The following RARB variants were observed in gnomAD, a reference collection of about 807,000 sequenced individuals.
RARB encodes the protein retinoic acid receptor beta.
In RARB, 17 loss-of-function variants were observed where a neutral mutation model predicts 51.9. That is an observed-to-expected ratio of 0.33 (90% CI 0.22 to 0.49). RARB has a LOEUF of 0.49. Among genes scored for constraint, RARB ranks in the 20% least tolerant of loss-of-function variants. RARB has a pLI of 0.99. For synonymous variants in RARB, 215 were observed against 195.4 expected, an observed-to-expected ratio of 1.10 and a Z score of -0.84; for missense variants, 369 against 550.8, an observed-to-expected ratio of 0.67 and a Z score of 3.30.
At chr3:25,521,851 A>G (rs1397926461) in intron 3 of RARB, among the ~76,000 whole-genome samples, 1 of 152,148 alleles carries the variant, frequency 6.6e-6, no homozygotes, top group African/African-American at 2.4e-5. Flanking sequence ...AAACCTCTTC[A>G]TTGAAAATCA....
At chr3:25,264,720 T>C (rs991911267) in intron 5 of RARB, among the ~76,000 whole-genome samples, 9 of 152,170 alleles carry the variant, frequency 5.9e-5, no homozygotes, top group African/African-American at 2.2e-4. Context: ...ACTAATAATA[T>C]GGGAATATAA....
At chr3:25,363,134 T>C (rs1188205059) in intron 5 of RARB, among the ~76,000 whole-genome samples, 2 of 152,090 alleles carry the variant, frequency 1.3e-5, no homozygotes, top group Admixed American at 6.5e-5. Context: ...TTTAAGGACA[T>C]TATTGTCCAG....
intron 3 of RARB, among the ~76,000 whole-genome samples, chr3:25,121,319 G>C (rs1032711062): frequency 9.2e-5 from 14 of 152,072 alleles, no homozygotes; most frequent in Non-Finnish European, 2.1e-4. Context: ...ATAAACCAGA[G>C]AAGCCATAAA....
At position 25,315,868 on chromosome 3, in the gene RARB, C is replaced by T. The variant is rs192925330; in HGVS notation, c.178+141293C>T. Among the ~76,000 whole-genome samples the T allele has an allele frequency of 2.3e-4, 35 of 152,224 alleles. No individual in the cohort carries two copies. The East Asian group carries it at 6.8e-3, about 29-fold the overall frequency. The stretch of plus-strand genomic sequence containing the variant: ...TCCTGACCTCAAGGGTTCTGCCCGC[C>T]TCAGCCTCCCAAAGTTCTGGGATTA... On this transcript the variant is annotated intron_variant, in intron 5 of 11. Transcript: ENST00000383772.
At chr3:25,541,170 G>A (rs571445478) in intron 3 of RARB, among the ~76,000 whole-genome samples, 6 of 152,258 alleles carry the variant, frequency 3.9e-5, no homozygotes, top group South Asian at 4.1e-4. Context: ...GGTATGACCC[G>A]CAGAGATCAT....
At chr3:25,181,406 C>G (rs1351475497) in intron 5 of RARB, among the ~76,000 whole-genome samples, 2 of 152,078 alleles carry the variant, frequency 1.3e-5, no homozygotes, top group African/African-American at 2.4e-5. Context: ...GTAGAGAAAC[C>G]CATTTCATCT....
At chr3:25,345,793 G>A (rs1705375058) in intron 5 of RARB, among the ~76,000 whole-genome samples, 1 of 152,100 alleles carries the variant, frequency 6.6e-6, no homozygotes, top group Admixed American at 6.6e-5. Flanking sequence ...TTCTCAGAGT[G>A]ATTGTGCATG....
At chr3:25,429,357 A>G (rs1708110600) in intron 1 of RARB, among the ~76,000 whole-genome samples, 1 of 152,204 alleles carries the variant, frequency 6.6e-6, no homozygotes, top group Non-Finnish European at 1.5e-5. Flanking sequence ...TAATTAAAAT[A>G]TGACATTTTC....
chr3:24,973,014 C>T (rs1233382960), intron 2 of RARB, among the ~76,000 whole-genome samples: 2 of 151,954 alleles, frequency 1.3e-5, no homozygotes, highest in African/African-American at 2.4e-5. Context: ...GCTTTTGTTG[C>T]CTGTGCTTTT....
intron 5 of RARB, among the ~76,000 whole-genome samples, chr3:25,230,578 A>T (rs1702153472): frequency 6.6e-6 from 1 of 152,050 alleles, no homozygotes; most frequent in African/African-American, 2.4e-5. Flanking sequence ...ATTATAATTA[A>T]TATTTATCTA....
chr3:24,956,071 G>T (rs906717124), intron 2 of RARB, among the ~76,000 whole-genome samples: 8 of 152,076 alleles, frequency 5.3e-5, no homozygotes, highest in Non-Finnish European at 1.0e-4. Flanking sequence ...TGAGGGGTTG[G>T]GTTGGACAGC....
chr3:25,495,014 G>A (rs1440814583), intron 2 of RARB, among the ~76,000 whole-genome samples: 2 of 152,164 alleles, frequency 1.3e-5, no homozygotes, highest in Admixed American at 6.5e-5. Context: ...AGGAAATTGA[G>A]GTCTTAGTAT....
chr3:25,434,384 C>G (rs182092705), intron 1 of RARB, among the ~76,000 whole-genome samples: 1 of 152,090 alleles, frequency 6.6e-6, no homozygotes, highest in African/African-American at 2.4e-5. Context: ...ATTTGTGTTC[C>G]AGCTGTTAAC....
intron 5 of RARB, among the ~76,000 whole-genome samples, chr3:25,585,942 G>T (rs1267952135): frequency 6.6e-6 from 1 of 152,206 alleles, no homozygotes; most frequent in Non-Finnish European, 1.5e-5. Context: ...AGCAGGGTCA[G>T]TGTGGAGCCA....
chr3:25,267,340 C>A (rs1031908382), intron 5 of RARB, among the ~76,000 whole-genome samples: 2 of 152,154 alleles, frequency 1.3e-5, no homozygotes, highest in Non-Finnish European at 2.9e-5. Context: ...AATGTTAAAG[C>A]AGTGAAGGCC....
chr3:24,865,255 G>A (rs562014375), intron 2 of RARB, among the ~76,000 whole-genome samples: 4 of 152,102 alleles, frequency 2.6e-5, no homozygotes, highest in Non-Finnish European at 5.9e-5. Flanking sequence ...GGAAATTTAC[G>A]TGCACTCAAG....
At chr3:25,023,220 A>G (rs1055507770) in intron 2 of RARB, among the ~76,000 whole-genome samples, 8 of 152,142 alleles carry the variant, frequency 5.3e-5, no homozygotes, top group Admixed American at 4.6e-4. Flanking sequence ...ACCTTTTGTG[A>G]CATGCAACCC....
At chr3:25,314,464 T>A (rs1704368627) in intron 5 of RARB, among the ~76,000 whole-genome samples, 2 of 152,320 alleles carry the variant, frequency 1.3e-5, no homozygotes, top group East Asian at 3.9e-4. Context: ...AGCTGTAAGA[T>A]TTTAAGATAG....
chr3:25,008,509 G>C (rs886309553), intron 2 of RARB, among the ~76,000 whole-genome samples: 10 of 152,204 alleles, frequency 6.6e-5, no homozygotes, highest in Admixed American at 3.3e-4. Context: ...GCCTCCCCAA[G>C]AGTACTGCTT....
Sources: allele counts gnomAD v4.1 joint callset (sites outside exome capture counted in the v4.1 genomes callset), GRCh38; gene constraint gnomAD v4.1.1; transcripts MANE v1.5; gene names NCBI Gene and HGNC (gene_info 2026-07-23, HGNC 2026-07-21).